Variants in SCNN1D observed in about 807,000 individuals in gnomAD.
SCNN1D encodes sodium channel epithelial 1 subunit delta, also known as epithelial sodium channel subunit delta.
In SCNN1D, 104 loss-of-function variants were observed where a neutral mutation model predicts 87.8. The observed-to-expected ratio is 1.18, with a 90% CI of 1.01 to 1.39. SCNN1D has a LOEUF of 1.39. SCNN1D is among the 40% of genes most tolerant of loss of function. The probability of loss-of-function intolerance (pLI) is 0.00; values close to 1 mark genes in which losing one functional copy is unlikely to be tolerated. For synonymous variants in SCNN1D, 628 were observed against 481.2 expected (o/e 1.31, Z -3.99); for missense variants, 1,324 against 1,093.9 (o/e 1.21, Z -2.97).
At position 1,287,566 on chromosome 1, in the gene SCNN1D, T is replaced by C; in HGVS notation, c.1369T>C (p.Trp457Arg). 1 of 1,579,704 alleles carries C rather than the reference T, an allele frequency of 6.3e-7. No homozygotes were observed. Among genetic ancestry groups the C allele is most frequent in the Non-Finnish European group, 8.6e-7 (1 of 1,161,072 alleles). ...CAGCTGCTACACGGTCGATGGCGTC[T>C]GGACAGCTCAGCGCCCCGGCATCAC... ...YGSCYTVDGV[W>R]TAQRPGITHG... The change falls in exon 10 of 18, where the codon TGG becomes CGG. Residue 457 changes from tryptophan to arginine, a missense_variant. By Grantham distance (101) the Trp-to-Arg change is moderately radical. Coordinates refer to ENST00000379116, the MANE Select transcript of SCNN1D (RefSeq NM_001130413.4).
In SCNN1D at chr1:1,283,968, T is replaced by C; in HGVS notation, c.352-10T>C. ...CACAGTCCCACGCCCAGCCAGCCTG[T>C]TTTAAATAGGAGGCCAGAGGCTCCA... is the stretch of plus-strand genomic sequence containing the variant. On this transcript the variant is annotated splice_polypyrimidine_tract_variant and intron_variant, in intron 4 of 17. Transcript: ENST00000379116. The C allele has an allele frequency of 6.9e-7, 1 of 1,451,572 alleles. No individual in the cohort carries two copies. The highest frequency in any genetic ancestry group is 9.1e-7 in the Non-Finnish European group (1 of 1,101,992). The allele number at this position is 1,451,572 out of a possible 1,614,324, so 89.9% of individuals were successfully genotyped here. A position where few individuals can be genotyped will look rare whatever the true frequency, so the allele number is the denominator to read the frequency against.
chr1:1,291,663 C>A lies in SCNN1D; in HGVS notation c.*53C>A. 7.3e-7 allele frequency: 1 copy of A among 1,366,770 alleles called. No individual in the cohort carries two copies. Among genetic ancestry groups the A allele is most frequent in the Non-Finnish European group, 9.8e-7 (1 of 1,017,764 alleles). 84.7% of individuals were successfully genotyped at this position (1,366,770 alleles called of 1,614,324 possible). On this transcript the variant is annotated 3_prime_UTR_variant, in exon 18 of 18. Transcript: ENST00000379116. Reference sequence around the variant, plus strand: ...CTTGGCCTGGTCCTTGCAGCTGTGGCAGCAGCAGGCTCCCCAGCGGCCCAG... The same window carrying A: ...CTTGGCCTGGTCCTTGCAGCTGTGGAAGCAGCAGGCTCCCCAGCGGCCCAG...
intron 12 of SCNN1D, among the ~76,000 whole-genome samples, chr1:1,289,989 TCC>T (rs1193803798): frequency 1.7e-5 from 1 of 58,112 alleles, no homozygotes; most frequent in Non-Finnish European, 2.6e-5. Context: ...CCGTCCCGTG[TCC>T]CTGCTCCGTC....
chr1:1,285,604 C>G lies in SCNN1D; in HGVS notation c.498C>G (p.Cys166Trp). ...GGCCTGTGGCTCCCCAGAGGCCCTG[C>G]CACCTGAAGGGATGGCAGCACAGAC... Reference protein sequence around the residue: ...SPGPVAPQRPCHLKGWQHRPT... With the variant: ...SPGPVAPQRPWHLKGWQHRPT... Residue 166 changes from cysteine (C) to tryptophan (W), a missense_variant, in exon 6 of 18, where the codon TGC becomes TGG. Physicochemically the swap from Cys to Trp is radical, Grantham distance 215 (BLOSUM62 -2). Coordinates refer to ENST00000379116, the MANE Select transcript of SCNN1D (RefSeq NM_001130413.4). The G allele has an allele frequency of 4.5e-6, 7 of 1,545,390 alleles. No individual in the cohort carries two copies. Among genetic ancestry groups the G allele is most frequent in the Non-Finnish European group, 6.1e-6 (7 of 1,144,336 alleles).
At chr1:1,285,856 A>G (rs1238153346) in intron 6 of SCNN1D, 70 bp from the exon 7 acceptor site, 3 of 1,433,764 alleles carry the variant, frequency 2.1e-6, no homozygotes, top group African/African-American at 1.4e-5. Context: ...GCTGACAGAC[A>G]TGACAGGCCC....
intron 1 of SCNN1D, 152 bp from the exon 2 acceptor site, chr1:1,281,074 C>T (rs1640459844): frequency 1.3e-6 from 1 of 749,112 alleles, no homozygotes; most frequent in South Asian, 1.7e-5. Context: ...GAATCCCGAC[C>T]TTGGGCTGCC....
At position 1,286,019 on chromosome 1, in the gene SCNN1D, G is replaced by A. The variant is rs764964415; in HGVS notation, c.652G>A (p.Ala218Thr). The change falls in exon 7 of 18, where the codon GCC (alanine) becomes ACC (threonine). Residue 218 changes from alanine (A) to threonine (T), a missense_variant. Ala to Thr is a moderately conservative substitution (Grantham distance 58, BLOSUM62 0). Coordinates refer to ENST00000379116, the MANE Select transcript of SCNN1D (RefSeq NM_001130413.4). ...GHQEGLVELP[A>T]SFRELLTFFC... ...CCAGGAGGGGCTGGTGGAGCTGCCC[G>A]CCTCGTTCCGGGAGCTGCTCACCTT... The A allele has an allele frequency of 1.4e-5, 22 of 1,564,814 alleles. No homozygotes were observed. The highest frequency in any genetic ancestry group is 1.7e-4 in the Middle Eastern group (1 of 6,034).
Position 1,286,714 on chromosome 1 carries a change from G to A in SCNN1D, c.912-54G>A. The stretch of plus-strand genomic sequence containing the variant: ...CCGACAGCACACACTGGGATGCTGG[G>A]GCCAGTGTGAGGCCCCGGGCCGGCA... On this transcript the variant is annotated intron_variant, in intron 7 of 17. Transcript: ENST00000379116. 3.3e-6 allele frequency: 5 copies of A among 1,529,830 alleles called. No individual in the cohort carries two copies. The South Asian group carries it at 4.7e-5, about 14-fold the overall frequency. 94.8% of individuals were successfully genotyped at this position (1,529,830 alleles called of 1,614,324 possible). A position where few individuals can be genotyped will look rare whatever the true frequency, so the allele number is the denominator to read the frequency against.
At chr1:1,287,643 G>A in intron 10 of SCNN1D, 30 bp from the exon 11 acceptor site, 1 of 1,611,814 alleles carries the variant, frequency 6.2e-7, no homozygotes, top group Non-Finnish European at 8.5e-7. Flanking sequence ...TGCAGGTCAG[G>A]TGGCCTCACA....
chr1:1,290,108 TCCCGTGTCTCTGCTCCGTCC>T lies in SCNN1D; in HGVS notation c.1663-141_1663-122del, dbSNP rs1640740585. On this transcript the variant is annotated intron_variant, in intron 12 of 17. Transcript: ENST00000379116. ...TGCTCCGTCCCGTGTCTCTGCTCCGTCCCGTGTCTCTGCTCCGTCCCCCGTGTCTCTGCTCCGTCCCGTGT... is the reference window on the plus strand; with the variant it reads ...TGCTCCGTCCCGTGTCTCTGCTCCGTCCCGTGTCTCTGCTCCGTCCCGTGT... 1.3e-4 allele frequency among the ~76,000 whole-genome samples: 14 copies of T among 111,998 alleles called. No homozygotes were observed. The South Asian group carries it at 1.4e-3, about 12-fold the overall frequency. 73.5% of individuals were successfully genotyped at this position (111,998 alleles called of 152,430 possible). A position where few individuals can be genotyped will look rare whatever the true frequency, so the allele number is the denominator to read the frequency against.
rs1356339383 is a variant in SCNN1D, at chr1:1,280,583, T to G, written c.-79T>G. 4 of 681,062 alleles carry G rather than the reference T, an allele frequency of 5.9e-6. No individual in the cohort carries two copies. The highest frequency in any genetic ancestry group is 1.1e-5 in the Non-Finnish European group (4 of 369,038). 42.2% of individuals were successfully genotyped at this position (681,062 alleles called of 1,614,324 possible). ...ACCAGGTCACAAGCCTCAGAGAGAA[T>G]CAACTATAAATGCTTCTCATCAGAC... is the stretch of plus-strand genomic sequence containing the variant. On this transcript the variant is annotated 5_prime_UTR_variant, in exon 1 of 18. Coordinates refer to ENST00000379116, the MANE Select transcript of SCNN1D (RefSeq NM_001130413.4).
Position 1,282,310 on chromosome 1 carries a change from C to T in SCNN1D, c.346C>T (p.Arg116Trp), listed in dbSNP as rs767819725. The change falls in exon 4 of 18, where the codon CGG (arginine) becomes TGG (tryptophan). Residue 116 changes from arginine (R) to tryptophan (W), a missense_variant. Arg to Trp is a moderately radical substitution (Grantham distance 101, BLOSUM62 -3). Coordinates refer to ENST00000379116, the MANE Select transcript of SCNN1D (RefSeq NM_001130413.4). ...SPVAAASFQS[R>W]QEARGSILLQ... ...GGTGGCAGCTGCTTCCTTCCAGAGC[C>T]GGCAGGCAGGTGACCTCACCCTCCT... 2.5e-5 allele frequency: 39 copies of T among 1,550,052 alleles called. No individual in the cohort carries two copies. The highest frequency in any genetic ancestry group is 1.7e-4 in the Middle Eastern group (1 of 5,992).
chr1:1,290,539 T>C lies in SCNN1D; in HGVS notation c.1843T>C (p.Cys615Arg), dbSNP rs1640771469. The change falls in exon 14 of 18, where the codon TGC (cysteine) becomes CGC (arginine). Residue 615 changes from cysteine (C) to arginine (R), a missense_variant. Transcript: ENST00000379116. ...CCACCGGCTCCCCTGTACCTCCCGC[T>C]GCCCCAGGCCCTGCAGGTGAGACGG... ...ETHRLPCTSRCPRPCRESAFK... is the reference protein window; with the variant it reads ...ETHRLPCTSRRPRPCRESAFK... 1.9e-6 allele frequency: 3 copies of C among 1,612,488 alleles called. No homozygotes were observed. Among genetic ancestry groups the C allele is most frequent in the Non-Finnish European group, 2.5e-6 (3 of 1,179,896 alleles).
Position 1,291,939 on chromosome 1 carries a change from C to T in SCNN1D, c.*329C>T. On this transcript the variant is annotated 3_prime_UTR_variant, in exon 18 of 18. Coordinates refer to ENST00000379116, the MANE Select transcript of SCNN1D (RefSeq NM_001130413.4). ...ATGCACCTGTGTACGTGTGTCAAGC[C>T]TAGCCACCTCAGCTGCAGGGAGGCA... 4.3e-6 allele frequency: 1 copy of T among 232,404 alleles called. No individual in the cohort carries two copies. The highest frequency in any genetic ancestry group is 8.4e-6 in the Non-Finnish European group (1 of 118,788). 14.4% of individuals were successfully genotyped at this position (232,404 alleles called of 1,614,324 possible). A position where few individuals can be genotyped will look rare whatever the true frequency, so the allele number is the denominator to read the frequency against.
At position 1,286,110 on chromosome 1, in the gene SCNN1D, AGAC is replaced by A. The variant is rs769379081; in HGVS notation, c.748_750del (p.Thr250del). 3.1e-6 allele frequency: 5 copies of A among 1,608,514 alleles called. No individual in the cohort carries two copies. The highest frequency in any genetic ancestry group is 2.2e-5 in the East Asian group (1 of 44,832). On this transcript the variant is annotated inframe_deletion, in exon 7 of 18. Coordinates refer to ENST00000379116, the MANE Select transcript of SCNN1D (RefSeq NM_001130413.4). ...GTCTGCTCCCGCGGGAACCGCCTCA[AGAC>A]GACGTCCTGGGGGCTGCTGTCCCTG... is the stretch of plus-strand genomic sequence containing the variant.
Position 1,291,146 on chromosome 1 carries a change from C to A in SCNN1D, c.2052+6C>A. The stretch of plus-strand genomic sequence containing the variant: ...AGGAGGCGCCCGTGTACTCGGTGAG[C>A]CTTGGCCCCCTGCCTGGGCTAGAGC... On this transcript the variant is annotated splice_donor_region_variant and intron_variant, in intron 17 of 17. Transcript: ENST00000379116. 1 of 1,610,838 alleles carries A rather than the reference C, an allele frequency of 6.2e-7. No homozygotes were observed. Among genetic ancestry groups the A allele is most frequent in the Non-Finnish European group, 8.5e-7 (1 of 1,179,126 alleles).
At position 1,290,467 on chromosome 1, in the gene SCNN1D, C is replaced by T. The variant is rs116493785; in HGVS notation, c.1781-10C>T. ...GCGAGCCTCACACATGCCTCTGACCCCTCCCCAAGGACACTGCTTCTACCG... is the reference window on the plus strand; with the variant it reads ...GCGAGCCTCACACATGCCTCTGACCTCTCCCCAAGGACACTGCTTCTACCG... On this transcript the variant is annotated splice_polypyrimidine_tract_variant and intron_variant, in intron 13 of 17. Transcript: ENST00000379116. 2.2e-4 allele frequency: 350 copies of T among 1,612,648 alleles called. No homozygotes were observed. Among genetic ancestry groups the T allele is most frequent in the Non-Finnish European group, 2.9e-4 (340 of 1,179,870 alleles).
rs900250217 is a variant in SCNN1D at position 1,281,551 on chromosome 1, A to T, written c.218A>T (p.His73Leu). The part of the protein sequence containing the change: ...GGPCGFTSAG[H>L]VLCGYPLCLL... ...CCATGTGGATTCACCAGTGCTGGACATGTGCTCTGTGGCTACCCCCTCTGC... is the reference window on the plus strand; with the variant it reads ...CCATGTGGATTCACCAGTGCTGGACTTGTGCTCTGTGGCTACCCCCTCTGC... The change falls in exon 3 of 18, where the codon CAT becomes CTT. Residue 73 changes from histidine to leucine, a missense_variant. Transcript: ENST00000379116. 3 of 1,535,756 alleles carry T rather than the reference A, an allele frequency of 2.0e-6. No individual in the cohort carries two copies. Among genetic ancestry groups the T allele is most frequent in the Non-Finnish European group, 2.6e-6 (3 of 1,146,776 alleles).
In SCNN1D at chr1:1,287,302, G is replaced by A; in HGVS notation, c.1310+3G>A. On this transcript the variant is annotated splice_donor_region_variant and intron_variant, in intron 9 of 17. Transcript: ENST00000379116. Reference sequence around the variant, plus strand: ...GATGGCCTGGACTGCCAGGCCCGGTGAGTGTGGCGGGCGGGGGCCACTCCT... The same window carrying A: ...GATGGCCTGGACTGCCAGGCCCGGTAAGTGTGGCGGGCGGGGGCCACTCCT... 1.9e-6 allele frequency: 3 copies of A among 1,580,552 alleles called. No homozygotes were observed. Among genetic ancestry groups the A allele is most frequent in the Non-Finnish European group, 8.6e-7 (1 of 1,160,420 alleles).
Sources: gnomAD v4.1 joint callset for allele counts (sites outside exome capture counted in the v4.1 genomes callset) on GRCh38, gnomAD v4.1.1 for gene constraint, MANE v1.5 for transcripts, NCBI Gene and HGNC (gene_info 2026-07-23, HGNC 2026-07-21) for gene names.